The following MAGI2 variants were observed in gnomAD, a reference collection of about 807,000 sequenced individuals.
MAGI2 encodes the protein membrane-associated guanylate kinase, WW and PDZ domain-containing protein 2.
MAGI2 carries 35 observed loss-of-function variants against 133.3 expected under a neutral mutation model. The ratio of observed to expected loss-of-function variants is 0.26; its 90% CI spans 0.20 to 0.35. MAGI2 has a LOEUF of 0.35. Among genes scored for constraint, MAGI2 ranks in the 10% least tolerant of loss-of-function variants. The pLI is 1.00. For synonymous variants in MAGI2, 729 were observed against 710.6 expected (o/e 1.03, Z -0.41); for missense variants, 1,636 against 1,863.4 (o/e 0.88, Z 2.25).
chr7:78,723,587 A>T (rs979218430), intron 2 of MAGI2, among the ~76,000 whole-genome samples: 1 of 152,196 alleles, frequency 6.6e-6, no homozygotes, highest in Non-Finnish European at 1.5e-5. Flanking sequence ...GGCAATTAAG[A>T]AGAGGAAAGA....
intron 3 of MAGI2, among the ~76,000 whole-genome samples, chr7:78,545,002 A>G (rs914334356): frequency 4.0e-5 from 6 of 151,272 alleles, no homozygotes; most frequent in Admixed American, 3.3e-4. Context: ...TGTTTACATT[A>G]CTTATGTTGC....
rs192114153 is a variant in MAGI2, at chr7:78,133,321, A to G, written c.3032-261T>C. On this transcript the variant is annotated intron_variant, in intron 17 of 21. Coordinates refer to ENST00000354212, the MANE Select transcript of MAGI2 (RefSeq NM_012301.4). Reference sequence around the variant, plus strand: ...TGCCAGAAGAAAAGATTACCAAAAAACCTCATAAAACTATGAAAAAAATTA... The same window carrying G: ...TGCCAGAAGAAAAGATTACCAAAAAGCCTCATAAAACTATGAAAAAAATTA... Among the ~76,000 whole-genome samples, 345 of 152,260 alleles carry G rather than the reference A, an allele frequency of 2.3e-3. 1 individual carries two copies. Among genetic ancestry groups the G allele is most frequent in the Non-Finnish European group, 4.4e-3 (297 of 68,010 alleles).
intron 2 of MAGI2, among the ~76,000 whole-genome samples, chr7:78,959,977 G>A (rs1217209926): frequency 2.0e-5 from 3 of 152,058 alleles, no homozygotes; most frequent in Non-Finnish European, 4.4e-5. Context: ...GCCTGCCTAT[G>A]TAGAAAATAT....
At chr7:79,291,454 T>A (rs1254087786) in intron 1 of MAGI2, among the ~76,000 whole-genome samples, 3 of 152,156 alleles carry the variant, frequency 2.0e-5, no homozygotes, top group African/African-American at 7.2e-5. Flanking sequence ...CTGGGTCTTA[T>A]GGCAACTTTC....
intron 6 of MAGI2, among the ~76,000 whole-genome samples, chr7:78,391,975 T>G (rs1795930423): frequency 2.6e-5 from 4 of 152,224 alleles, no homozygotes; most frequent in Non-Finnish European, 5.9e-5. Context: ...AGATCTTCAA[T>G]TCCTTGTAAG....
chr7:78,193,583 A>G (rs565693579), intron 12 of MAGI2, among the ~76,000 whole-genome samples: 1 of 152,282 alleles, frequency 6.6e-6, no homozygotes, highest in Admixed American at 6.5e-5. Flanking sequence ...AGTTTAATGA[A>G]CATTAATACC....
At chr7:78,471,952 G>C (rs1324398954) in intron 6 of MAGI2, among the ~76,000 whole-genome samples, 2 of 151,814 alleles carry the variant, frequency 1.3e-5, no homozygotes, top group Admixed American at 6.6e-5. Flanking sequence ...GGGAATTACA[G>C]AACAAGTTCA....
chr7:78,827,912 T>G (rs1006728715), intron 2 of MAGI2, among the ~76,000 whole-genome samples: 3 of 152,010 alleles, frequency 2.0e-5, no homozygotes, highest in Non-Finnish European at 4.4e-5. Context: ...TGAGACAGAG[T>G]CTCACTCTTT....
At chr7:79,077,965 A>G (rs1336425988) in intron 1 of MAGI2, among the ~76,000 whole-genome samples, 1 of 152,198 alleles carries the variant, frequency 6.6e-6, no homozygotes, top group Non-Finnish European at 1.5e-5. Flanking sequence ...TGTTGGGACA[A>G]AATGTAGTAT....
chr7:78,667,304 C>T (rs1007742787), intron 2 of MAGI2, among the ~76,000 whole-genome samples: 1 of 151,182 alleles, frequency 6.6e-6, no homozygotes, highest in Non-Finnish European at 1.5e-5. Flanking sequence ...GATTTCATTT[C>T]AAGATTGTCA....
At chr7:78,458,294 C>CAAAAAAAAAAAAAAA (rs11380893) in intron 6 of MAGI2, among the ~76,000 whole-genome samples, 4 of 113,078 alleles carry the variant, frequency 3.5e-5, no homozygotes, top group Non-Finnish European at 3.5e-5. Context: ...AACTCGGTCT[C>CAAAAAAAAAAAAAAA]AAAAAAAAAA....
At chr7:79,406,322 G>A (rs911883423) in intron 1 of MAGI2, among the ~76,000 whole-genome samples, 11 of 152,032 alleles carry the variant, frequency 7.2e-5, no homozygotes, top group East Asian at 3.9e-4. Flanking sequence ...CTTATAATGC[G>A]GGTGAAGTGT....
intron 3 of MAGI2, among the ~76,000 whole-genome samples, chr7:78,626,826 ATGTGTGTGTGTGTGTGTG>A (rs71085549): frequency 1.3e-5 from 2 of 148,362 alleles, no homozygotes; most frequent in East Asian, 2.0e-4. Context: ...GAATACTTCA[ATGTGTGTGTGTGTGTGTG>A]TGTGTGTGTG....
At chr7:78,575,669 A>G (rs190522060) in intron 3 of MAGI2, among the ~76,000 whole-genome samples, 74 of 152,290 alleles carry the variant, frequency 4.9e-4, no homozygotes, top group Non-Finnish European at 2.4e-4. Flanking sequence ...TATCTCTATG[A>G]TCTTTTTCTC....
intron 1 of MAGI2, among the ~76,000 whole-genome samples, chr7:79,407,415 T>C (rs1263478944): frequency 6.6e-6 from 1 of 152,162 alleles, no homozygotes; most frequent in Non-Finnish European, 1.5e-5. Context: ...TTTCCCTTTC[T>C]AGCATCCAGA....
chr7:78,931,919 A>G (rs1172449295), intron 2 of MAGI2, among the ~76,000 whole-genome samples: 1 of 150,970 alleles, frequency 6.6e-6, no homozygotes, highest in Non-Finnish European at 1.5e-5. Flanking sequence ...AATCTGAAAC[A>G]TTTTGAGCAC....
At chr7:78,103,615 T>C (rs1469469335) in intron 20 of MAGI2, among the ~76,000 whole-genome samples, 3 of 152,190 alleles carry the variant, frequency 2.0e-5, no homozygotes, top group Non-Finnish European at 4.4e-5. Flanking sequence ...AGTGACGAAG[T>C]TGGGCTCTGC....
chr7:78,059,933 T>C (rs1301865113), intron 21 of MAGI2, among the ~76,000 whole-genome samples: 1 of 152,100 alleles, frequency 6.6e-6, no homozygotes, highest in East Asian at 1.9e-4. Flanking sequence ...CAGAATCTCA[T>C]TCAGACAGAC....
chr7:78,926,832 T>A (rs759842477), intron 2 of MAGI2, among the ~76,000 whole-genome samples: 2 of 151,874 alleles, frequency 1.3e-5, no homozygotes, highest in Non-Finnish European at 2.9e-5. Context: ...GGAAAAGGTT[T>A]TTTTTTTTCC....
Sources: gnomAD v4.1 joint callset for allele counts (sites outside exome capture counted in the v4.1 genomes callset) on GRCh38, gnomAD v4.1.1 for gene constraint, MANE v1.5 for transcripts, NCBI Gene and HGNC (gene_info 2026-07-23, HGNC 2026-07-21) for gene names.